Variants in JMJD1C observed in about 807,000 individuals in gnomAD.
JMJD1C encodes jumonji domain containing 1C, also known as jumonji domain-containing protein 1C.
JMJD1C carries 31 observed loss-of-function variants against 245.3 expected under a neutral mutation model. The ratio of observed to expected loss-of-function variants is 0.13; its 90% CI spans 0.09 to 0.17. JMJD1C has a LOEUF of 0.17. Among genes scored for constraint, JMJD1C ranks in the 10% least tolerant of loss-of-function variants. JMJD1C has a pLI of 1.00. For synonymous variants in JMJD1C, 1,057 were observed against 1,017.4 expected (o/e 1.04, Z -0.74); for missense variants, 2,691 against 3,000.2 (o/e 0.90, Z 2.41).
At chr10:63,183,101 T>C (rs1186214110) in intron 22 of JMJD1C, among the ~76,000 whole-genome samples, 1 of 152,182 alleles carries the variant, frequency 6.6e-6, no homozygotes, top group Non-Finnish European at 1.5e-5. Flanking sequence ...CCTCCAGTGA[T>C]TCACCTGCCT....
At chr10:63,279,717 C>T (rs1242560564) in intron 2 of JMJD1C, among the ~76,000 whole-genome samples, 1 of 152,206 alleles carries the variant, frequency 6.6e-6, no homozygotes, top group Non-Finnish European at 1.5e-5. Context: ...GTTTGTGCCA[C>T]TGTACTACAG....
At chr10:63,487,707 G>A (rs16918515) in intron 1 of JMJD1C, among the ~76,000 whole-genome samples, 20,752 of 152,190 alleles carry the variant, frequency 0.14, 3,258 homozygotes, top group African/African-American at 0.39. Context: ...AGATCAATGA[G>A]GGGGACAAAG....
At chr10:63,436,132 A>G (rs896665635) in intron 1 of JMJD1C, among the ~76,000 whole-genome samples, 1 of 152,194 alleles carries the variant, frequency 6.6e-6, no homozygotes, top group African/African-American at 2.4e-5. Context: ...GCCTTGAGAG[A>G]TTATATGAGG....
At chr10:63,504,230 T>C (rs1012072763) in intron 1 of JMJD1C, among the ~76,000 whole-genome samples, 1 of 152,116 alleles carries the variant, frequency 6.6e-6, no homozygotes, top group African/African-American at 2.4e-5. Flanking sequence ...ACTACTACAA[T>C]AAAACAGGGC....
intron 1 of JMJD1C, among the ~76,000 whole-genome samples, chr10:63,425,690 G>C (rs111652394): frequency 6.6e-6 from 1 of 152,196 alleles, no homozygotes; most frequent in African/African-American, 2.4e-5. Context: ...GCTAAGGTGG[G>C]AGGACTGCTT....
intron 1 of JMJD1C, among the ~76,000 whole-genome samples, chr10:63,501,829 CAT>C (rs1298167608): frequency 6.6e-5 from 10 of 152,110 alleles, no homozygotes; most frequent in South Asian, 6.2e-4. Flanking sequence ...ATTTCTGCCA[CAT>C]GATTGCTTTA....
At chr10:63,206,378 C>T (rs950699450) in intron 10 of JMJD1C, among the ~76,000 whole-genome samples, 1 of 152,160 alleles carries the variant, frequency 6.6e-6, no homozygotes, top group Non-Finnish European at 1.5e-5. Flanking sequence ...TTCTACAAGT[C>T]TTTTAAAAAT....
chr10:63,277,415 A>G (rs1335823251), intron 2 of JMJD1C, among the ~76,000 whole-genome samples: 2 of 152,154 alleles, frequency 1.3e-5, no homozygotes, highest in African/African-American at 2.4e-5. Flanking sequence ...CTCTCAGGTA[A>G]TAACAGTTGT....
At chr10:63,296,013 A>ACATT (rs1554877208) in intron 2 of JMJD1C, among the ~76,000 whole-genome samples, 1 of 84,284 alleles carries the variant, frequency 1.2e-5, no homozygotes, top group African/African-American at 4.2e-5. Context: ...GTATATATAT[A>ACATT]TTTTTTTTTT....
intron 2 of JMJD1C, among the ~76,000 whole-genome samples, chr10:63,352,654 A>G (rs1030851604): frequency 1.3e-5 from 2 of 152,000 alleles, no homozygotes; most frequent in Non-Finnish European, 2.9e-5. Context: ...AAAAAAAAAA[A>G]AAAAATTTAA....
At chr10:63,409,559 GGAA>G (rs886504781) in intron 1 of JMJD1C, among the ~76,000 whole-genome samples, 1 of 152,046 alleles carries the variant, frequency 6.6e-6, no homozygotes, top group Non-Finnish European at 1.5e-5. Flanking sequence ...ACAGAGTAAA[GGAA>G]AAATCAATTC....
intron 1 of JMJD1C, among the ~76,000 whole-genome samples, chr10:63,516,058 T>G (rs1195963197): frequency 6.6e-6 from 1 of 152,166 alleles, no homozygotes; most frequent in Non-Finnish European, 1.5e-5. Flanking sequence ...TATGGTACTT[T>G]CAGTTTTTCC....
intron 1 of JMJD1C, among the ~76,000 whole-genome samples, chr10:63,504,621 G>GT (rs1954661095): frequency 6.6e-6 from 1 of 152,164 alleles, no homozygotes; most frequent in African/African-American, 2.4e-5. Flanking sequence ...ACAAGGCTTT[G>GT]TGGGCAAACA....
At chr10:63,239,189 G>T (rs551178610) in intron 3 of JMJD1C, among the ~76,000 whole-genome samples, 2 of 152,142 alleles carry the variant, frequency 1.3e-5, no homozygotes, top group Non-Finnish European at 2.9e-5. Context: ...AAATTCATAC[G>T]CAAGAATAGA....
intron 2 of JMJD1C, among the ~76,000 whole-genome samples, chr10:63,332,291 T>G (rs1052650159): frequency 6.6e-5 from 10 of 152,174 alleles, no homozygotes; most frequent in African/African-American, 2.4e-4. Flanking sequence ...GTCACTAAAT[T>G]TGATGTCAAT....
chr10:63,173,740 A>AG (rs1842614279), intron 24 of JMJD1C, among the ~76,000 whole-genome samples: 1 of 112,838 alleles, frequency 8.9e-6, no homozygotes, highest in Admixed American at 1.3e-4. Flanking sequence ...TGGAAAAATG[A>AG]AAAAAAAATG....
chr10:63,331,203 T>C (rs1942102926), intron 2 of JMJD1C, among the ~76,000 whole-genome samples: 1 of 152,200 alleles, frequency 6.6e-6, no homozygotes, highest in Non-Finnish European at 1.5e-5. Flanking sequence ...GTTTCAAACA[T>C]AACACTTTTT....
intron 1 of JMJD1C, among the ~76,000 whole-genome samples, chr10:63,462,783 T>A (rs2133098923): frequency 6.6e-6 from 1 of 152,320 alleles, no homozygotes; most frequent in East Asian, 1.9e-4. Flanking sequence ...CTTGCCACAC[T>A]TTGATTTTAG....
Position 63,247,719 on chromosome 10 carries a change from C to CAAAAA in JMJD1C, c.447+16927_447+16931dup, listed in dbSNP as rs71025135. Among the ~76,000 whole-genome samples, 60 of 105,420 alleles carry CAAAAA rather than the reference C, an allele frequency of 5.7e-4. 1 individual carries two copies. Among genetic ancestry groups the CAAAAA allele is most frequent in the East Asian group, 4.7e-3 (15 of 3,196 alleles). The allele number at this position is 105,420 out of a possible 152,430, so 69.2% of individuals were successfully genotyped here. A position where few individuals can be genotyped will look rare whatever the true frequency, so the allele number is the denominator to read the frequency against. ...CGCACACCAGCCTGGGTGACAGAGC[C>CAAAAA]AAAAAAAAAAAAAAAAAAAGAAACA... is the stretch of plus-strand genomic sequence containing the variant. On this transcript the variant is annotated intron_variant, in intron 3 of 25. Transcript: ENST00000399262.
Sources: allele counts gnomAD v4.1 joint callset (sites outside exome capture counted in the v4.1 genomes callset), GRCh38; gene constraint gnomAD v4.1.1; transcripts MANE v1.5; gene names NCBI Gene and HGNC (gene_info 2026-07-23, HGNC 2026-07-21).